The following SNRPC variants were observed in gnomAD, a reference collection of about 807,000 sequenced individuals.
SNRPC encodes U1 small nuclear ribonucleoprotein C.
SNRPC carries 5 observed loss-of-function variants against 20.0 expected under a neutral mutation model. The ratio of observed to expected loss-of-function variants is 0.25; its 90% CI spans 0.13 to 0.53. The LOEUF is 0.53. Ranked by LOEUF, SNRPC falls within the 20% of genes least tolerant of loss-of-function variation. SNRPC has a pLI of 0.96. For missense variants in SNRPC, 112 were observed against 224.1 expected (o/e 0.50, Z 3.19); for synonymous variants, 61 against 58.7 (o/e 1.04, Z -0.18).
Position 34,767,899 on chromosome 6 carries a change from C to CCTCAA in SNRPC, c.161-6_161-5insAACTC. On this transcript the variant is annotated splice_polypyrimidine_tract_variant and intron_variant, in intron 3 of 5. Coordinates refer to ENST00000244520, the MANE Select transcript of SNRPC (RefSeq NM_003093.3). ...TCTTTTTTTTTTTTTTTTTCCTCACCCTCCAAAGCGGCTGCATTTCAACAA... is the reference window on the plus strand; with the variant it reads ...TCTTTTTTTTTTTTTTTTTCCTCACCCTCAACTCCAAAGCGGCTGCATTTCAACAA... 2.3e-5 allele frequency: 34 copies of CCTCAA among 1,508,676 alleles called. 1 individual carries two copies. The highest frequency in any genetic ancestry group is 3.9e-5 in the South Asian group (3 of 76,448). The allele number at this position is 1,508,676 out of a possible 1,614,324, so 93.5% of individuals were successfully genotyped here.
intron 4 of SNRPC, among the ~76,000 whole-genome samples, chr6:34,769,229 C>CTTTTTT (rs11408407): frequency 2.3e-5 from 3 of 129,098 alleles, no homozygotes; most frequent in African/African-American, 5.9e-5. Context: ...TTCTTTCTTT[C>CTTTTTT]TTTTTTTTTT....
In SNRPC at chr6:34,764,937, C is replaced by G. The variant is rs190588502; in HGVS notation, c.160+2234C>G. 9.4e-4 allele frequency among the ~76,000 whole-genome samples: 143 copies of G among 152,228 alleles called. 2 individuals carry two copies. Among genetic ancestry groups the G allele is most frequent in the Admixed American group, 7.3e-3 (111 of 15,280 alleles). ...TTGGGAGGCTGAGGCAGGAGAATCG[C>G]TTGAACCCGGGAGGTGGAGGTTGCA... On this transcript the variant is annotated intron_variant, in intron 3 of 5. Transcript: ENST00000244520.
chr6:34,760,174 G>A (rs538907392), intron 2 of SNRPC, among the ~76,000 whole-genome samples: 22 of 147,160 alleles, frequency 1.5e-4, no homozygotes, highest in East Asian at 2.0e-4. Flanking sequence ...GTGCAATGGC[G>A]CGATCTTGTT....
At position 34,757,771 on chromosome 6, in the gene SNRPC, G is replaced by A. The variant is rs573157845; in HGVS notation, c.9-141G>A. The stretch of plus-strand genomic sequence containing the variant: ...AAAAAAGCCTGGTTTATGTGTCGAC[G>A]CTTTGATGCTTTTGAGTCGTGAGGC... On this transcript the variant is annotated intron_variant, in intron 1 of 5. Transcript: ENST00000244520. 9 of 1,579,868 alleles carry A rather than the reference G, an allele frequency of 5.7e-6. No individual in the cohort carries two copies. In the East Asian group the frequency reaches 1.8e-4, roughly 32 times the overall value.
chr6:34,759,599 T>C (rs1764506553), intron 2 of SNRPC, among the ~76,000 whole-genome samples: 1 of 152,242 alleles, frequency 6.6e-6, no homozygotes, highest in African/African-American at 2.4e-5. Flanking sequence ...GAACTGGCTT[T>C]TTTTTCCCCC....
At chr6:34,758,113 A>T (rs1764478101) in intron 2 of SNRPC, among the ~76,000 whole-genome samples, 159 bp downstream of exon 2, 1 of 152,114 alleles carries the variant, frequency 6.6e-6, no homozygotes, top group Admixed American at 6.6e-5. Context: ...CCACCCTTCC[A>T]GTAACTTTGA....
chr6:34,764,233 A>G (rs1186280389), intron 3 of SNRPC, among the ~76,000 whole-genome samples: 1 of 151,452 alleles, frequency 6.6e-6, no homozygotes, highest in African/African-American at 2.4e-5. Flanking sequence ...TAATCCTAGC[A>G]CTTTGGGAGG....
intron 1 of SNRPC, 167 bp from the exon 2 acceptor site, chr6:34,757,745 A>C (rs1488877609): frequency 1.9e-5 from 30 of 1,540,314 alleles, no homozygotes; most frequent in Non-Finnish European, 2.3e-5. Flanking sequence ...TAAGGCAACA[A>C]AAAAAAGCCT....
At position 34,767,900 on chromosome 6, in the gene SNRPC, C is replaced by CTCAAA; in HGVS notation, c.161-6_161-5insAAATC. 6.8e-7 allele frequency: 1 copy of CTCAAA among 1,478,290 alleles called. No homozygotes were observed. Among genetic ancestry groups the CTCAAA allele is most frequent in the Non-Finnish European group, 8.9e-7 (1 of 1,128,348 alleles). The allele number at this position is 1,478,290 out of a possible 1,614,324, so 91.6% of individuals were successfully genotyped here. On this transcript the variant is annotated splice_polypyrimidine_tract_variant and splice_region_variant and intron_variant, in intron 3 of 5. Coordinates refer to ENST00000244520, the MANE Select transcript of SNRPC (RefSeq NM_003093.3). ...CTTTTTTTTTTTTTTTTTCCTCACC[C>CTCAAA]TCCAAAGCGGCTGCATTTCAACAAG...
In SNRPC at chr6:34,763,516, A is replaced by ATAAAAT. The variant is rs1169694417; in HGVS notation, c.160+813_160+814insTAAAAT. On this transcript the variant is annotated intron_variant, in intron 3 of 5. Transcript: ENST00000244520. ...GGCCAAATGGTGAAACCCCATCTCT[A>ATAAAAT]CTAAAAATATAAAAATTAGCGGGGC... Among the ~76,000 whole-genome samples the ATAAAAT allele has an allele frequency of 2.6e-5, 4 of 151,530 alleles. No homozygotes were observed. The South Asian group carries it at 8.4e-4, about 32-fold the overall frequency.
chr6:34,764,081 C>T (rs892683830), intron 3 of SNRPC, among the ~76,000 whole-genome samples: 14 of 151,892 alleles, frequency 9.2e-5, no homozygotes, highest in Admixed American at 5.9e-4. Context: ...GGCTTACTTA[C>T]GCCTGTAATC....
intron 3 of SNRPC, among the ~76,000 whole-genome samples, chr6:34,765,792 G>T (rs139289541): frequency 2.6e-5 from 4 of 151,968 alleles, no homozygotes; most frequent in African/African-American, 9.7e-5. Flanking sequence ...AGACTGGAGT[G>T]CTGTGGTGCC....
At chr6:34,761,756 A>ATG (rs1764540553) in intron 2 of SNRPC, among the ~76,000 whole-genome samples, 1 of 149,032 alleles carries the variant, frequency 6.7e-6, no homozygotes, top group East Asian at 2.0e-4. Flanking sequence ...TGATCCACCC[A>ATG]CCTCGGCCTC....
intron 2 of SNRPC, 33 bp downstream of exon 2, chr6:34,757,987 G>A: frequency 1.3e-6 from 2 of 1,584,130 alleles, no homozygotes; most frequent in South Asian, 2.3e-5. Flanking sequence ...GTTTCAAAAA[G>A]CCTTATGTGT....
chr6:34,762,277 C>A (rs931991257), intron 2 of SNRPC, among the ~76,000 whole-genome samples: 1 of 151,170 alleles, frequency 6.6e-6, no homozygotes. Context: ...GTATTCCAGC[C>A]TGGGCAACAG....
Position 34,772,121 on chromosome 6 carries a change from A to G in SNRPC, c.356-1325A>G, listed in dbSNP as rs537970110. Among the ~76,000 whole-genome samples the G allele has an allele frequency of 7.9e-5, 12 of 152,226 alleles. No homozygotes were observed. In the East Asian group the frequency reaches 9.6e-4, roughly 12 times the overall value. ...TAATTAGAGGGTGGACGGGGATAGG[A>G]ATGGGTGGGGAGTATAGATAAAGTT... On this transcript the variant is annotated intron_variant, in intron 5 of 5. Transcript: ENST00000244520.
At chr6:34,771,213 C>T (rs6457790) in intron 5 of SNRPC, among the ~76,000 whole-genome samples, 29,299 of 151,548 alleles carry the variant, frequency 0.19, 3,350 homozygotes, top group African/African-American at 0.31. Context: ...CCTGTTGTCT[C>T]AGCTACTCAG....
At chr6:34,763,992 G>A (rs1764579494) in intron 3 of SNRPC, among the ~76,000 whole-genome samples, 1 of 150,962 alleles carries the variant, frequency 6.6e-6, no homozygotes, top group Non-Finnish European at 1.5e-5. Context: ...TGGGATTACA[G>A]GCGTGAGCCA....
chr6:34,769,825 A>G (rs1764663794), intron 4 of SNRPC, among the ~76,000 whole-genome samples: 1 of 152,124 alleles, frequency 6.6e-6, no homozygotes, highest in Non-Finnish European at 1.5e-5. Flanking sequence ...TTAATGTGTT[A>G]TGGCCTGTGA....
Sources: allele counts gnomAD v4.1 joint callset (sites outside exome capture counted in the v4.1 genomes callset), GRCh38; gene constraint gnomAD v4.1.1; transcripts MANE v1.5; gene names NCBI Gene and HGNC (gene_info 2026-07-23, HGNC 2026-07-21).